The following CCDC149 variants were observed in gnomAD, a reference collection of about 807,000 sequenced individuals.
CCDC149 encodes coiled-coil domain-containing protein 149.
A neutral mutation model predicts 59.9 loss-of-function variants in CCDC149; 45 were observed. That is an observed-to-expected ratio of 0.75 (90% confidence interval 0.59 to 0.96). CCDC149 has a LOEUF of 0.96. Ranked by LOEUF, CCDC149 falls within the 40% of genes least tolerant of loss-of-function variation. The pLI is 0.00. For synonymous variants in CCDC149, 245 were observed against 260.6 expected (o/e 0.94, Z 0.58); for missense variants, 584 against 664.7 (o/e 0.88, Z 1.33).
intron 1 of CCDC149, among the ~76,000 whole-genome samples, chr4:24,974,893 G>T (rs1724109446): frequency 6.6e-6 from 1 of 150,630 alleles, no homozygotes; most frequent in Non-Finnish European, 1.5e-5. Flanking sequence ...GGGGTTGGGG[G>T]AAGGAAGGGG....
At chr4:24,977,640 G>A (rs994991325) in intron 1 of CCDC149, among the ~76,000 whole-genome samples, 1 of 152,178 alleles carries the variant, frequency 6.6e-6, no homozygotes, top group Non-Finnish European at 1.5e-5. Context: ...CCCAGCACTG[G>A]AGTCCAGCTC....
intron 4 of CCDC149, among the ~76,000 whole-genome samples, chr4:24,849,657 T>A (rs1717530894): frequency 6.6e-6 from 1 of 152,190 alleles, no homozygotes; most frequent in Non-Finnish European, 1.5e-5. Context: ...ATGGAAAAAT[T>A]AGTCTACCCT....
In CCDC149 at chr4:24,893,613, C is replaced by CTTTTTTTTTTTTTTTTTTTTTT. The variant is rs3066508; in HGVS notation, c.64-16917_64-16916insAAAAAAAAAAAAAAAAAAAAAA. 2.1e-3 allele frequency among the ~76,000 whole-genome samples: 140 copies of CTTTTTTTTTTTTTTTTTTTTTT among 65,878 alleles called. 41 individuals are homozygous for CTTTTTTTTTTTTTTTTTTTTTT. Among genetic ancestry groups the CTTTTTTTTTTTTTTTTTTTTTT allele is most frequent in the East Asian group, 6.5e-3 (11 of 1,700 alleles). The allele number at this position is 65,878 out of a possible 152,430, so 43.2% of individuals were successfully genotyped here. ...CTTCTAGCACAATCTAAAATACAGACTTTTTTTTTTTTTTTTTTTTTGAGA... is the reference window on the plus strand; with the variant it reads ...CTTCTAGCACAATCTAAAATACAGACTTTTTTTTTTTTTTTTTTTTTTTTTTTTTTTTTTTTTTTTTTTGAGA... On this transcript the variant is annotated intron_variant, in intron 1 of 12. Coordinates refer to ENST00000635206, the MANE Select transcript of CCDC149 (RefSeq NM_001330643.2).
chr4:24,883,310 T>C (rs1271044458), intron 1 of CCDC149, among the ~76,000 whole-genome samples: 3 of 152,030 alleles, frequency 2.0e-5, no homozygotes, highest in Non-Finnish European at 4.4e-5. Context: ...GAAAAGTCTA[T>C]AGGAATAAAC....
intron 12 of CCDC149, among the ~76,000 whole-genome samples, chr4:24,819,475 C>A (rs1007408429): frequency 2.0e-5 from 3 of 152,208 alleles, no homozygotes; most frequent in Admixed American, 6.5e-5. Flanking sequence ...CACGCCCCAC[C>A]ACACCCGGCT....
chr4:24,845,522 C>T (rs187046416), intron 4 of CCDC149, among the ~76,000 whole-genome samples: 2 of 152,316 alleles, frequency 1.3e-5, no homozygotes, highest in African/African-American at 4.8e-5. Context: ...ATAAAAAGTG[C>T]CAGTCGTAAC....
intron 1 of CCDC149, among the ~76,000 whole-genome samples, chr4:24,879,547 T>C (rs1320207613): frequency 6.8e-6 from 1 of 146,656 alleles, no homozygotes; most frequent in African/African-American, 2.5e-5. Context: ...TAGCTGGGCA[T>C]GGTGGCAGGC....
At chr4:24,832,588 C>A (rs116290151) in intron 8 of CCDC149, among the ~76,000 whole-genome samples, 1,714 of 152,250 alleles carry the variant, frequency 0.011, 10 homozygotes, top group Middle Eastern at 0.017. Context: ...AGTCTCTAGT[C>A]ATCTATGGAT....
chr4:24,975,297 G>A (rs1008778412), intron 1 of CCDC149, among the ~76,000 whole-genome samples: 4 of 147,368 alleles, frequency 2.7e-5, no homozygotes, highest in African/African-American at 1.0e-4. Context: ...GAAGATAGGA[G>A]AGAAAGGGAA....
intron 12 of CCDC149, among the ~76,000 whole-genome samples, chr4:24,817,990 G>C (rs1228003943): frequency 6.6e-6 from 1 of 152,108 alleles, no homozygotes; most frequent in African/African-American, 2.4e-5. Flanking sequence ...CAAATGTGAT[G>C]AAACGGTACT....
chr4:24,831,444 T>C, intron 9 of CCDC149, 62 bp downstream of exon 9: 1 of 1,573,608 alleles, frequency 6.4e-7, no homozygotes, highest in Non-Finnish European at 8.7e-7. Context: ...GACATTCACT[T>C]CTGGTAGCCT....
intron 1 of CCDC149, among the ~76,000 whole-genome samples, chr4:24,884,941 CATCT>C (rs1720071150): frequency 6.6e-6 from 1 of 152,088 alleles, no homozygotes; most frequent in Non-Finnish European, 1.5e-5. Context: ...TAGAGGGATA[CATCT>C]TGGTTGGGGA....
At chr4:24,959,711 C>G (rs1169430858) in intron 1 of CCDC149, among the ~76,000 whole-genome samples, 1 of 152,176 alleles carries the variant, frequency 6.6e-6, no homozygotes, top group Non-Finnish European at 1.5e-5. Flanking sequence ...GAGATGACAA[C>G]AGCTTTTTCA....
In CCDC149 at chr4:24,808,201, C is replaced by T. The variant is rs112253047; in HGVS notation, c.*188G>A. 875 of 448,476 alleles carry T rather than the reference C, an allele frequency of 2.0e-3. 4 individuals are homozygous for T. The highest frequency in any genetic ancestry group is 0.011 in the African/African-American group (574 of 50,012). 27.8% of individuals were successfully genotyped at this position (448,476 alleles called of 1,614,324 possible). On this transcript the variant is annotated 3_prime_UTR_variant, in exon 13 of 13. Coordinates refer to ENST00000635206, the MANE Select transcript of CCDC149 (RefSeq NM_001330643.2). ...TGACACTGAGAAGCTTGAGGACCTA[C>T]ATTTAATAAATCAAACTGTACTGGC...
At chr4:24,969,855 G>C (rs543784113) in intron 1 of CCDC149, among the ~76,000 whole-genome samples, 2 of 152,326 alleles carry the variant, frequency 1.3e-5, no homozygotes, top group African/African-American at 4.8e-5. Flanking sequence ...AGCTCCCTTG[G>C]GGGAGGGCCT....
Position 24,912,996 on chromosome 4 carries a change from C to G in CCDC149, c.-117G>C, listed in dbSNP as rs1418493560. The G allele has an allele frequency of 3.7e-6, 1 of 273,480 alleles. No homozygotes were observed. Among genetic ancestry groups the G allele is most frequent in the Non-Finnish European group, 5.7e-6 (1 of 174,394 alleles). 16.9% of individuals were successfully genotyped at this position (273,480 alleles called of 1,614,324 possible). Reference sequence around the variant, plus strand: ...GCCCGGCGCCTCCGAGCCGCTGCGCCGCCGCCTCTCGCGGCCGCCAGCGCT... The same window carrying G: ...GCCCGGCGCCTCCGAGCCGCTGCGCGGCCGCCTCTCGCGGCCGCCAGCGCT... On this transcript the variant is annotated 5_prime_UTR_variant, in exon 1 of 13. Transcript: ENST00000635206.
chr4:24,902,409 C>A (rs1245138645), intron 1 of CCDC149, among the ~76,000 whole-genome samples: 3 of 152,222 alleles, frequency 2.0e-5, no homozygotes, highest in African/African-American at 7.2e-5. Context: ...CAGGACACAT[C>A]CTGCTGCCTG....
In CCDC149 at chr4:24,908,006, A is replaced by G. The variant is rs142039293; in HGVS notation, c.63+4811T>C. Among the ~76,000 whole-genome samples the G allele has an allele frequency of 1.5e-4, 23 of 152,212 alleles. No individual in the cohort carries two copies. The East Asian group carries it at 4.3e-3, about 28-fold the overall frequency. ...CTTCTCTTTGTGCATCTCTGTGCCCAAATTTGCCTCTTCTGATAAGGACAC... is the reference window on the plus strand; with the variant it reads ...CTTCTCTTTGTGCATCTCTGTGCCCGAATTTGCCTCTTCTGATAAGGACAC... On this transcript the variant is annotated intron_variant, in intron 1 of 12. Coordinates refer to ENST00000635206, the MANE Select transcript of CCDC149 (RefSeq NM_001330643.2).
At chr4:24,971,531 A>C (rs28853294) in intron 1 of CCDC149, among the ~76,000 whole-genome samples, 4,215 of 152,260 alleles carry the variant, frequency 0.028, 173 homozygotes, top group African/African-American at 0.095. Flanking sequence ...TGGAGCCACT[A>C]TTGTCTGCAA....
Sources: gnomAD v4.1 joint callset for allele counts (sites outside exome capture counted in the v4.1 genomes callset) on GRCh38, gnomAD v4.1.1 for gene constraint, MANE v1.5 for transcripts, NCBI Gene and HGNC (gene_info 2026-07-23, HGNC 2026-07-21) for gene names.